VPS13C: variants seen among roughly 807,000 people sequenced by gnomAD.
VPS13C encodes intermembrane lipid transfer protein VPS13C.
VPS13C carries 358 observed loss-of-function variants against 456.8 expected under a neutral mutation model. That is an observed-to-expected ratio of 0.78 (90% CI 0.72 to 0.86). The LOEUF is 0.86. Among genes scored for constraint, VPS13C ranks in the 40% least tolerant of loss-of-function variants. The probability of loss-of-function intolerance (pLI) is 0.00; values close to 1 mark genes in which losing one functional copy is unlikely to be tolerated. For synonymous variants in VPS13C, 1,578 were observed against 1,486.7 expected, an observed-to-expected ratio of 1.06 and a Z score of -1.41; for missense variants, 4,818 against 4,385.4, an observed-to-expected ratio of 1.10 and a Z score of -2.79.
intron 32 of VPS13C, 74 bp downstream of exon 32, chr15:61,963,761 T>G: frequency 1.9e-6 from 2 of 1,063,766 alleles, no homozygotes; most frequent in Non-Finnish European, 2.9e-6. Flanking sequence ...TGTACATTCT[T>G]TAGCATTGCA....
At chr15:61,979,938 CTTTGG>C (rs2045823799) in intron 22 of VPS13C, among the ~76,000 whole-genome samples, 2 of 151,934 alleles carry the variant, frequency 1.3e-5, no homozygotes, top group African/African-American at 4.8e-5. Context: ...AATCCCAGCA[CTTTGG>C]GAGGCCAAGG....
At chr15:61,901,694 G>T (rs1680491949) in intron 66 of VPS13C, among the ~76,000 whole-genome samples, 1 of 152,046 alleles carries the variant, frequency 6.6e-6, no homozygotes, top group East Asian at 1.9e-4. Flanking sequence ...CATTGTGGAA[G>T]TCAGTGTGGC....
chr15:61,905,292 T>A (rs1377848943), intron 66 of VPS13C, among the ~76,000 whole-genome samples: 1 of 152,190 alleles, frequency 6.6e-6, no homozygotes, highest in Non-Finnish European at 1.5e-5. Flanking sequence ...AAAATCAACA[T>A]CTTTACTTTC....
chr15:61,951,803 C>A (rs1003589295), intron 39 of VPS13C, 21 bp downstream of exon 39: 11 of 1,595,066 alleles, frequency 6.9e-6, no homozygotes, highest in South Asian at 2.3e-5. Flanking sequence ...ATAATTTACA[C>A]AGACAATATT....
intron 43 of VPS13C, among the ~76,000 whole-genome samples, chr15:61,946,654 A>AC (rs1293478381): frequency 2.0e-5 from 3 of 151,474 alleles, no homozygotes; most frequent in African/African-American, 7.3e-5. Flanking sequence ...AAACCAAAAA[A>AC]AAAAACCCAC....
intron 50 of VPS13C, among the ~76,000 whole-genome samples, 157 bp downstream of exon 50, chr15:61,930,933 C>A (rs1478051378): frequency 6.6e-6 from 1 of 152,202 alleles, no homozygotes; most frequent in African/African-American, 2.4e-5. Context: ...GCAGCTGAAT[C>A]TGATATTAGC....
chr15:62,042,024 G>T (rs2048258300), intron 2 of VPS13C, among the ~76,000 whole-genome samples: 1 of 151,908 alleles, frequency 6.6e-6, no homozygotes, highest in Admixed American at 6.6e-5. Context: ...TACTAGAACA[G>T]AAAAAAGAAG....
chr15:61,992,426 T>C (rs781313879), intron 16 of VPS13C, among the ~76,000 whole-genome samples: 1 of 152,208 alleles, frequency 6.6e-6, no homozygotes, highest in Non-Finnish European at 1.5e-5. Context: ...ATTTAGATTA[T>C]ATGTTCTCAT....
intron 3 of VPS13C, among the ~76,000 whole-genome samples, chr15:62,039,315 A>C (rs768779269): frequency 2.0e-5 from 3 of 152,174 alleles, no homozygotes; most frequent in African/African-American, 4.8e-5. Flanking sequence ...CCATTATCTT[A>C]AGTAAATCAA....
Position 61,931,495 on chromosome 15 carries a change from T to G in VPS13C, c.5869-236A>C, listed in dbSNP as rs190719036. ...CCAACAATGATTAGTATAGAAAAAT[T>G]TATCTGATTTACAGTTTAATGCAAA... On this transcript the variant is annotated intron_variant, in intron 49 of 84. Coordinates refer to ENST00000644861, the MANE Select transcript of VPS13C (RefSeq NM_020821.3). Among the ~76,000 whole-genome samples, 41 of 152,136 alleles carry G rather than the reference T, an allele frequency of 2.7e-4. 3 individuals carry two copies. The East Asian group carries it at 7.9e-3, about 29-fold the overall frequency.
intron 65 of VPS13C, among the ~76,000 whole-genome samples, chr15:61,907,672 C>G (rs2043189447): frequency 6.6e-6 from 1 of 152,222 alleles, no homozygotes; most frequent in Admixed American, 6.5e-5. Context: ...ATTGCCAGAT[C>G]AGGGTCCACC....
intron 24 of VPS13C, among the ~76,000 whole-genome samples, chr15:61,975,730 T>A (rs931082479): frequency 2.0e-5 from 3 of 152,084 alleles, no homozygotes; most frequent in African/African-American, 7.2e-5. Flanking sequence ...CTACACAGTA[T>A]CTTCCAGAAA....
intron 12 of VPS13C, 35 bp from the exon 13 acceptor site, chr15:62,010,634 T>C (rs772843038): frequency 1.2e-5 from 18 of 1,557,960 alleles, no homozygotes; most frequent in South Asian, 2.5e-5. Context: ...GATATGTTCA[T>C]ATGCTTTTAC....
intron 36 of VPS13C, 50 bp from the exon 37 acceptor site, chr15:61,958,766 A>G (rs1317018146): frequency 1.0e-6 from 1 of 989,976 alleles, no homozygotes; most frequent in Non-Finnish European, 1.4e-6. Context: ...TTAAAATGAA[A>G]CAATTTTAAT....
At chr15:61,935,840 T>C (rs1181424779) in intron 48 of VPS13C, 2 of 152,208 alleles carry the variant, frequency 1.3e-5, no homozygotes, top group Non-Finnish European at 2.9e-5. Context: ...GTTTTACCGA[T>C]TACTGTCATT....
At chr15:61,953,131 C>T (rs17271263) in intron 38 of VPS13C, among the ~76,000 whole-genome samples, 4,713 of 152,234 alleles carry the variant, frequency 0.031, 99 homozygotes, top group Middle Eastern at 0.058. Flanking sequence ...CCTGTATCCA[C>T]TATGCTTTCT....
At chr15:61,952,235 A>G (rs2044825328) in intron 38 of VPS13C, among the ~76,000 whole-genome samples, 1 of 152,186 alleles carries the variant, frequency 6.6e-6, no homozygotes, top group African/African-American at 2.4e-5. Flanking sequence ...CATCTTCGGC[A>G]CCATTAACAT....
intron 16 of VPS13C, among the ~76,000 whole-genome samples, chr15:61,998,717 G>C (rs949297938): frequency 1.3e-5 from 2 of 152,072 alleles, no homozygotes; most frequent in East Asian, 3.9e-4. Flanking sequence ...GTGAGTACTT[G>C]CTAAACAAAT....
At chr15:62,013,889 G>A in intron 10 of VPS13C, 44 bp downstream of exon 10, 1 of 1,369,326 alleles carries the variant, frequency 7.3e-7, no homozygotes, top group Non-Finnish European at 1.0e-6. Flanking sequence ...AATAAATTAA[G>A]TGCACCTAGG....
Sources: gnomAD v4.1 joint callset for allele counts (sites outside exome capture counted in the v4.1 genomes callset) on GRCh38, gnomAD v4.1.1 for gene constraint, MANE v1.5 for transcripts, NCBI Gene and HGNC (gene_info 2026-07-23, HGNC 2026-07-21) for gene names.